The following HS3ST2 variants were observed in gnomAD, a reference collection of about 807,000 sequenced individuals.
The protein encoded by HS3ST2 is heparan sulfate-glucosamine 3-sulfotransferase 2, also known as heparan sulfate glucosamine 3-O-sulfotransferase 2.
A neutral mutation model predicts 26.3 loss-of-function variants in HS3ST2; 17 were observed. The observed-to-expected ratio is 0.65, with a 90% CI of 0.44 to 0.97. The LOEUF (loss-of-function observed/expected upper bound fraction) is 0.97, where lower values mean the gene tolerates loss of function less well. Ranked by LOEUF, HS3ST2 falls within the 50% of genes least tolerant of loss-of-function variation. The probability of loss-of-function intolerance (pLI) is 0.00; values close to 1 mark genes in which losing one functional copy is unlikely to be tolerated. For synonymous variants in HS3ST2, 237 were observed against 219.2 expected, an observed-to-expected ratio of 1.08 and a Z score of -0.72; for missense variants, 402 against 501.2, an observed-to-expected ratio of 0.80 and a Z score of 1.89.
At chr16:22,833,782 T>C (rs1181763739) in intron 1 of HS3ST2, among the ~76,000 whole-genome samples, 1 of 152,128 alleles carries the variant, frequency 6.6e-6, no homozygotes, top group Non-Finnish European at 1.5e-5. Context: ...TTTTATCTTT[T>C]CTGATTGTAA....
chr16:22,866,323 GCGCGCA>G (rs1567491693), intron 1 of HS3ST2, among the ~76,000 whole-genome samples: 1 of 148,178 alleles, frequency 6.7e-6, no homozygotes, highest in Non-Finnish European at 1.5e-5. Flanking sequence ...ACGTGCGCGC[GCGCGCA>G]CACACACACA....
chr16:22,837,871 C>A (rs1901291004), intron 1 of HS3ST2, among the ~76,000 whole-genome samples: 1 of 151,940 alleles, frequency 6.6e-6, no homozygotes, highest in African/African-American at 2.4e-5. Flanking sequence ...CTCTAACACA[C>A]TAGTCCGAAT....
chr16:22,814,735 A>ACGACCTGGGTCGGAGCCG lies in HS3ST2; in HGVS notation c.127_144dup (p.Asp43_Arg48dup). The ACGACCTGGGTCGGAGCCG allele has an allele frequency of 3.1e-6, 5 of 1,609,014 alleles. No homozygotes were observed. Among genetic ancestry groups the ACGACCTGGGTCGGAGCCG allele is most frequent in the Non-Finnish European group, 4.2e-6 (5 of 1,178,480 alleles). ...TGTTACAGCTTCCTGTGCTGCTGCGACGACCTGGGTCGGAGCCGCCTCCTC... is the reference window on the plus strand; with the variant it reads ...TGTTACAGCTTCCTGTGCTGCTGCGACGACCTGGGTCGGAGCCGCGACCTGGGTCGGAGCCGCCTCCTC... On this transcript the variant is annotated inframe_insertion, in exon 1 of 2. Transcript: ENST00000261374.
At chr16:22,860,771 T>C (rs920775532) in intron 1 of HS3ST2, among the ~76,000 whole-genome samples, 20 of 151,708 alleles carry the variant, frequency 1.3e-4, no homozygotes, top group African/African-American at 4.4e-4. Context: ...TAAAATATCA[T>C]ACATATTTAA....
intron 1 of HS3ST2, among the ~76,000 whole-genome samples, chr16:22,874,368 C>T (rs1282180966): frequency 6.6e-6 from 1 of 152,224 alleles, no homozygotes; most frequent in Non-Finnish European, 1.5e-5. Context: ...GAGATTTCCT[C>T]CTCCACGTCC....
intron 1 of HS3ST2, among the ~76,000 whole-genome samples, chr16:22,832,780 G>A (rs190002287): frequency 9.0e-4 from 136 of 150,718 alleles, no homozygotes; most frequent in Admixed American, 2.0e-3. Context: ...AGTGGAAGGG[G>A]TATCCCAGGG....
At chr16:22,818,694 GCCTT>G (rs1213470659) in intron 1 of HS3ST2, among the ~76,000 whole-genome samples, 37 of 63,776 alleles carry the variant, frequency 5.8e-4, no homozygotes, top group African/African-American at 1.9e-3. Context: ...CTCCTTGCCT[GCCTT>G]CCTTCCTTCC....
Position 22,861,926 on chromosome 16 carries a change from A to G in HS3ST2, c.485+46831A>G, listed in dbSNP as rs148080409. On this transcript the variant is annotated intron_variant, in intron 1 of 1. Transcript: ENST00000261374. ...CCTCTCATCATTCAAACCTGAGCCC[A>G]GTATATCCCATTGGACAGACCTTTC... Among the ~76,000 whole-genome samples, 189 of 152,356 alleles carry G rather than the reference A, an allele frequency of 1.2e-3. 3 individuals are homozygous for G. Among genetic ancestry groups the G allele is most frequent in the African/African-American group, 4.4e-3 (183 of 41,582 alleles).
intron 1 of HS3ST2, among the ~76,000 whole-genome samples, chr16:22,844,829 TG>T (rs2141183384): frequency 6.6e-6 from 1 of 152,170 alleles, no homozygotes; most frequent in South Asian, 2.1e-4. Flanking sequence ...TGCAGAACTG[TG>T]AGACAGTTAA....
chr16:22,864,999 C>T (rs977125632), intron 1 of HS3ST2, among the ~76,000 whole-genome samples: 3 of 142,098 alleles, frequency 2.1e-5, no homozygotes, highest in African/African-American at 7.9e-5. Context: ...TGCAGTGAGC[C>T]ATGACCCTGC....
chr16:22,868,264 C>T (rs1224383575), intron 1 of HS3ST2, among the ~76,000 whole-genome samples: 1 of 151,888 alleles, frequency 6.6e-6, no homozygotes, highest in African/African-American at 2.4e-5. Context: ...CAAAAATTAG[C>T]TGGGCGTGGT....
intron 1 of HS3ST2, among the ~76,000 whole-genome samples, chr16:22,866,534 CTAA>C (rs1901755277): frequency 6.6e-6 from 1 of 152,076 alleles, no homozygotes; most frequent in African/African-American, 2.4e-5. Flanking sequence ...CATTGGGAGG[CTAA>C]GGCAGGCAGA....
At chr16:22,818,778 T>TTCCC (rs1900920807) in intron 1 of HS3ST2, among the ~76,000 whole-genome samples, 2 of 29,002 alleles carry the variant, frequency 6.9e-5, no homozygotes, top group Non-Finnish European at 1.1e-4. Flanking sequence ...CCTTCCCTCC[T>TTCCC]TCCTTCCTTC....
At chr16:22,839,985 T>C (rs1901329013) in intron 1 of HS3ST2, among the ~76,000 whole-genome samples, 1 of 152,286 alleles carries the variant, frequency 6.6e-6, no homozygotes, top group African/African-American at 2.4e-5. Context: ...TTGTGCAAAA[T>C]AAGACCAAAA....
chr16:22,843,349 C>T (rs1222879511), intron 1 of HS3ST2, among the ~76,000 whole-genome samples: 3 of 152,186 alleles, frequency 2.0e-5, no homozygotes, highest in East Asian at 3.9e-4. Flanking sequence ...CCAGAAACAG[C>T]GTCAGATCCC....
intron 1 of HS3ST2, among the ~76,000 whole-genome samples, chr16:22,837,558 T>C (rs1901282857): frequency 7.3e-6 from 1 of 136,134 alleles, no homozygotes; most frequent in South Asian, 2.2e-4. Flanking sequence ...TATATATGTA[T>C]ATATATACAT....
intron 1 of HS3ST2, among the ~76,000 whole-genome samples, chr16:22,824,533 C>T (rs889817894): frequency 6.6e-6 from 1 of 151,232 alleles, no homozygotes; most frequent in Non-Finnish European, 1.5e-5. Context: ...GGTGACAGGG[C>T]GAGACTCCGC....
chr16:22,880,350 G>C (rs571920125), intron 1 of HS3ST2, among the ~76,000 whole-genome samples: 1 of 152,178 alleles, frequency 6.6e-6, no homozygotes, highest in Non-Finnish European at 1.5e-5. Flanking sequence ...CTGGGAGGTT[G>C]AGGCTGCAGT....
chr16:22,906,532 G>C (rs1002323379), intron 1 of HS3ST2, among the ~76,000 whole-genome samples: 1 of 152,146 alleles, frequency 6.6e-6, no homozygotes. Flanking sequence ...TTCCCCACCA[G>C]CCACAGGGCA....
Sources: gnomAD v4.1 joint callset for allele counts (sites outside exome capture counted in the v4.1 genomes callset) on GRCh38, gnomAD v4.1.1 for gene constraint, MANE v1.5 for transcripts, NCBI Gene and HGNC (gene_info 2026-07-23, HGNC 2026-07-21) for gene names.